The following CDH13 variants were observed in gnomAD, a reference collection of about 807,000 sequenced individuals.
CDH13 encodes the protein cadherin 13, also known as cadherin-13.
A neutral mutation model predicts 63.8 loss-of-function variants in CDH13; 24 were observed. That is an observed-to-expected ratio of 0.38 (90% CI 0.27 to 0.53). CDH13 has a LOEUF of 0.53. Ranked by LOEUF, CDH13 falls within the 20% of genes least tolerant of loss-of-function variation. The pLI, the probability that CDH13 is intolerant of heterozygous loss-of-function variation, is 0.85. For synonymous variants in CDH13, 503 were observed against 355.3 expected, an observed-to-expected ratio of 1.42 and a Z score of -4.67; for missense variants, 1,049 against 903.1, an observed-to-expected ratio of 1.16 and a Z score of -2.07.
At chr16:82,978,704 G>A (rs534982842) in intron 2 of CDH13, among the ~76,000 whole-genome samples, 19 of 152,390 alleles carry the variant, frequency 1.2e-4, no homozygotes, top group African/African-American at 4.3e-4. Flanking sequence ...AACACGTGAT[G>A]TCCAGGCAGA....
chr16:83,343,794 G>A (rs530699493), intron 5 of CDH13, among the ~76,000 whole-genome samples: 6 of 152,094 alleles, frequency 3.9e-5, no homozygotes, highest in Non-Finnish European at 8.8e-5. Flanking sequence ...GACTTCCCAA[G>A]GTCAAATCTG....
chr16:83,462,282 C>T (rs1241754057), intron 6 of CDH13, among the ~76,000 whole-genome samples: 2 of 152,214 alleles, frequency 1.3e-5, no homozygotes, highest in African/African-American at 2.4e-5. Flanking sequence ...TTTTCAGCAG[C>T]GGGCAAGGAA....
intron 7 of CDH13, among the ~76,000 whole-genome samples, chr16:83,515,331 A>G (rs548306763): frequency 6.6e-6 from 1 of 152,326 alleles, no homozygotes; most frequent in African/African-American, 2.4e-5. Context: ...TCTTTTAAGC[A>G]TTACACTTCT....
At chr16:82,861,898 CAG>C (rs1567609953) in intron 2 of CDH13, among the ~76,000 whole-genome samples, 1 of 152,212 alleles carries the variant, frequency 6.6e-6, no homozygotes, top group South Asian at 2.1e-4. Flanking sequence ...GCTCCCAACT[CAG>C]GGAAACTTGG....
intron 11 of CDH13, among the ~76,000 whole-genome samples, chr16:83,754,379 C>T (rs1356409968): frequency 6.6e-6 from 1 of 152,150 alleles, no homozygotes; most frequent in Admixed American, 6.5e-5. Flanking sequence ...GGGCCATGCC[C>T]AGCAACAGGA....
At chr16:83,765,753 A>G (rs1452463322) in intron 11 of CDH13, among the ~76,000 whole-genome samples, 1 of 151,978 alleles carries the variant, frequency 6.6e-6, no homozygotes, top group East Asian at 1.9e-4. Context: ...GGATAACCTT[A>G]GAAGACTCCT....
intron 5 of CDH13, among the ~76,000 whole-genome samples, chr16:83,242,223 A>G (rs745907992): frequency 6.6e-6 from 1 of 152,196 alleles, no homozygotes; most frequent in Non-Finnish European, 1.5e-5. Flanking sequence ...AATTTTGATT[A>G]CCATTGCTTT....
chr16:83,543,917 G>T (rs1225985919), intron 7 of CDH13, among the ~76,000 whole-genome samples: 1 of 152,216 alleles, frequency 6.6e-6, no homozygotes, highest in Non-Finnish European at 1.5e-5. Context: ...CAAGACTTCT[G>T]AGCCACCCCA....
At chr16:82,667,938 AT>A (rs1912795690) in intron 1 of CDH13, among the ~76,000 whole-genome samples, 1 of 152,128 alleles carries the variant, frequency 6.6e-6, no homozygotes, top group Non-Finnish European at 1.5e-5. Context: ...AAACACCTGT[AT>A]TTGTCACGCT....
intron 5 of CDH13, among the ~76,000 whole-genome samples, chr16:83,251,788 C>T (rs1439349049): frequency 1.3e-5 from 2 of 152,132 alleles, no homozygotes; most frequent in African/African-American, 2.4e-5. Context: ...TGCCATCAGG[C>T]AACCCAAAAT....
intron 2 of CDH13, among the ~76,000 whole-genome samples, chr16:83,017,865 C>T (rs941556060): frequency 3.3e-5 from 5 of 152,296 alleles, no homozygotes; most frequent in South Asian, 2.1e-4. Flanking sequence ...CTGCTAGCAT[C>T]TGCAGCTGGG....
At chr16:83,521,356 A>AG (rs1304453927) in intron 7 of CDH13, among the ~76,000 whole-genome samples, 1 of 152,152 alleles carries the variant, frequency 6.6e-6, no homozygotes, top group East Asian at 1.9e-4. Flanking sequence ...AAAAAAAAAA[A>AG]GAATGGAAAA....
chr16:83,741,406 C>T (rs919320866), intron 10 of CDH13, among the ~76,000 whole-genome samples: 12 of 151,992 alleles, frequency 7.9e-5, no homozygotes, highest in African/African-American at 2.2e-4. Context: ...TATAAAAATA[C>T]CCTGTATCTC....
At chr16:83,762,924 T>A (rs753291236) in intron 11 of CDH13, among the ~76,000 whole-genome samples, 7 of 152,196 alleles carry the variant, frequency 4.6e-5, no homozygotes, top group Non-Finnish European at 1.0e-4. Flanking sequence ...CTGCCAAGTT[T>A]AAAGAAAGAC....
At chr16:83,121,945 A>G (rs1000918495) in intron 3 of CDH13, among the ~76,000 whole-genome samples, 1 of 146,400 alleles carries the variant, frequency 6.8e-6, no homozygotes, top group Non-Finnish European at 1.5e-5. Flanking sequence ...TATTACATAA[A>G]TTTTCCTTTA....
Position 83,443,715 on chromosome 16 carries a change from AAAAAAAAAAAAAAAAAAAAAATAT to A in CDH13, c.782-42760_782-42737del, listed in dbSNP as rs1328746030. Among the ~76,000 whole-genome samples the A allele has an allele frequency of 8.1e-3, 740 of 91,388 alleles. 22 individuals are homozygous for A. Among genetic ancestry groups the A allele is most frequent in the South Asian group, 0.047 (132 of 2,834 alleles). The allele number at this position is 91,388 out of a possible 152,430, so 60.0% of individuals were successfully genotyped here. A position where few individuals can be genotyped will look rare whatever the true frequency, so the allele number is the denominator to read the frequency against. ...GTGCGAAGTCCCTACGAAAAAAAAAAAAAAAAAAAAAAAAAAAAAAATATATATATATATATATATATATATATG... is the reference window on the plus strand; with the variant it reads ...GTGCGAAGTCCCTACGAAAAAAAAAAATATATATATATATATATATATATG... On this transcript the variant is annotated intron_variant, in intron 6 of 13. Transcript: ENST00000567109.
intron 5 of CDH13, among the ~76,000 whole-genome samples, chr16:83,283,310 G>T (rs2089228950): frequency 6.6e-6 from 1 of 152,176 alleles, no homozygotes; most frequent in Non-Finnish European, 1.5e-5. Flanking sequence ...CCACAGAATG[G>T]CTGGGTACGG....
chr16:83,771,610 A>C (rs1914767095), intron 11 of CDH13, among the ~76,000 whole-genome samples: 1 of 152,218 alleles, frequency 6.6e-6, no homozygotes, highest in South Asian at 2.1e-4. Flanking sequence ...AAGGAAAGAA[A>C]ATGATAACCC....
At chr16:82,840,937 G>C (rs1381238405) in intron 1 of CDH13, among the ~76,000 whole-genome samples, 2 of 152,188 alleles carry the variant, frequency 1.3e-5, no homozygotes, top group Non-Finnish European at 2.9e-5. Flanking sequence ...GTGTCAATGA[G>C]TGAGGAGGCT....
Sources: gnomAD v4.1 joint callset for allele counts (sites outside exome capture counted in the v4.1 genomes callset) on GRCh38, gnomAD v4.1.1 for gene constraint, MANE v1.5 for transcripts, NCBI Gene and HGNC (gene_info 2026-07-23, HGNC 2026-07-21) for gene names.